SLC6A14: variants seen among roughly 807,000 people sequenced by gnomAD.
SLC6A14 encodes sodium- and chloride-dependent neutral and basic amino acid transporter B(0+).
In SLC6A14, 21 loss-of-function variants were observed where a neutral mutation model predicts 51.4. The observed-to-expected ratio is 0.41, with a 90% CI of 0.29 to 0.59. The LOEUF is 0.59. Among genes scored for constraint, SLC6A14 ranks in the 20% least tolerant of loss-of-function variants. SLC6A14 has a pLI of 0.31. For synonymous variants in SLC6A14, 177 were observed against 160.7 expected, an observed-to-expected ratio of 1.10 and a Z score of -0.77; for missense variants, 371 against 472.8, an observed-to-expected ratio of 0.78 and a Z score of 2.00.
At chrX:116,451,387 C>T (rs1292917660) in intron 7 of SLC6A14, 55 bp from the exon 8 acceptor site, 5 of 868,602 alleles carry the variant, frequency 5.8e-6, no homozygotes, top group Non-Finnish European at 8.1e-6. Context: ...GAAATATTTA[C>T]ACAAATAAAA....
At chrX:116,437,286 TAAGAA>T in intron 1 of SLC6A14, among the ~76,000 whole-genome samples, 2 of 103,303 alleles carry the variant, frequency 1.9e-5, no homozygotes, top group South Asian at 8.5e-4. Flanking sequence ...TATCAAGCCA[TAAGAA>T]AAGTTTATAG....
chrX:116,460,320 A>G lies in SLC6A14; in HGVS notation c.*1365A>G, dbSNP rs1928018945. 1 of 111,113 alleles carries G rather than the reference A, an allele frequency of 9.0e-6. No individual in the cohort carries two copies. Among genetic ancestry groups the G allele is most frequent in the Non-Finnish European group, 1.9e-5 (1 of 53,054 alleles). The allele number at this position is 111,113 out of a possible 1,213,427, so 9.2% of individuals were successfully genotyped here. ...TTTTTGTGCTTGGCAAATGAGTGAC[A>G]ATAGAAGAAATAATTTTTCTTACAC... On this transcript the variant is annotated 3_prime_UTR_variant, in exon 14 of 14. Coordinates refer to ENST00000598581, the MANE Select transcript of SLC6A14 (RefSeq NM_007231.5).
intron 11 of SLC6A14, 55 bp downstream of exon 11, chrX:116,455,131 T>C: frequency 1.1e-6 from 1 of 878,547 alleles, no homozygotes; most frequent in South Asian, 2.2e-5. Context: ...TTTAGTTTGA[T>C]TCATTTTCAT....
In SLC6A14 at chrX:116,461,373, C is replaced by T. The variant is rs781901200; in HGVS notation, c.*2418C>T. ...CAAATCCCACTTACTTTAATGCGAA[C>T]TTGGAGATAATTTATGGTATTGTAT... On this transcript the variant is annotated 3_prime_UTR_variant, in exon 14 of 14. Coordinates refer to ENST00000598581, the MANE Select transcript of SLC6A14 (RefSeq NM_007231.5). 7.5e-6 allele frequency: 1 copy of T among 132,590 alleles called. No individual in the cohort carries two copies. The highest frequency in any genetic ancestry group is 1.5e-5 in the Non-Finnish European group (1 of 67,100). 10.9% of individuals were successfully genotyped at this position (132,590 alleles called of 1,213,427 possible). A position where few individuals can be genotyped will look rare whatever the true frequency, so the allele number is the denominator to read the frequency against.
intron 7 of SLC6A14, among the ~76,000 whole-genome samples, chrX:116,449,675 A>G (rs1927784450): frequency 8.9e-6 from 1 of 112,175 alleles, no homozygotes; most frequent in African/African-American, 3.2e-5. Flanking sequence ...ATATGAAACA[A>G]TATTTATAAT....
rs374190469 is a variant in SLC6A14, at chrX:116,457,050, G to A, written c.1615-559G>A. On this transcript the variant is annotated intron_variant, in intron 12 of 13. Transcript: ENST00000598581. Reference sequence around the variant, plus strand: ...GATGCTGGAAGTGAAATGTGCTTTGGTAAATGCTCACCAATAATGTGTGTA... The same window carrying A: ...GATGCTGGAAGTGAAATGTGCTTTGATAAATGCTCACCAATAATGTGTGTA... 9.0e-5 allele frequency among the ~76,000 whole-genome samples: 10 copies of A among 111,479 alleles called. No individual in the cohort carries two copies. In the East Asian group the frequency reaches 2.0e-3, roughly 22 times the overall value.
chrX:116,455,508 A>G (rs1927916423), intron 12 of SLC6A14, 42 bp downstream of exon 12: 2 of 805,903 alleles, frequency 2.5e-6, no homozygotes, highest in African/African-American at 4.1e-5. Context: ...GATAATACAT[A>G]TGTTCTAAGA....
In SLC6A14 at chrX:116,454,305, C is replaced by T; in HGVS notation, c.1286-19C>T. On this transcript the variant is annotated intron_variant, in intron 9 of 13. Coordinates refer to ENST00000598581, the MANE Select transcript of SLC6A14 (RefSeq NM_007231.5). ...GCAAATAAGTTGACATATAACATGTCATTTCTCCCCCTCTGAAGAAACGAT... is the reference window on the plus strand; with the variant it reads ...GCAAATAAGTTGACATATAACATGTTATTTCTCCCCCTCTGAAGAAACGAT... 3.0e-6 allele frequency: 3 copies of T among 997,538 alleles called. No individual in the cohort carries two copies. Among genetic ancestry groups the T allele is most frequent in the Non-Finnish European group, 4.3e-6 (3 of 704,248 alleles). The allele number at this position is 997,538 out of a possible 1,213,427, so 82.2% of individuals were successfully genotyped here.
intron 12 of SLC6A14, among the ~76,000 whole-genome samples, chrX:116,456,015 C>T (rs1460850163): frequency 7.2e-5 from 8 of 111,150 alleles, no homozygotes; most frequent in Non-Finnish European, 1.5e-4. Context: ...TCAATAAATT[C>T]AACAATTAAT....
At chrX:116,447,003 T>C (rs1927728016) in intron 7 of SLC6A14, 122 bp downstream of exon 7, 1 of 535,062 alleles carries the variant, frequency 1.9e-6, no homozygotes, top group Non-Finnish European at 2.9e-6. Flanking sequence ...TACAGTTAAA[T>C]TTATTAGTTT....
chrX:116,458,214 G>A (rs1262992869), intron 13 of SLC6A14, among the ~76,000 whole-genome samples: 2 of 111,559 alleles, frequency 1.8e-5, no homozygotes, highest in African/African-American at 6.5e-5. Flanking sequence ...GAATAAGCCT[G>A]GTAAATATCT....
Position 116,458,884 on chromosome X carries a change from G to A in SLC6A14, c.1858G>A (p.Asp620Asn). 1.7e-6 allele frequency: 2 copies of A among 1,203,336 alleles called. No homozygotes were observed. The highest frequency in any genetic ancestry group is 2.2e-6 in the Non-Finnish European group (2 of 890,414). Residue 620 changes from aspartate to asparagine, a missense_variant, in exon 14 of 14, where the codon GAC (aspartate) becomes AAC (asparagine). Asp to Asn is a conservative substitution (Grantham distance 23). This residue lies in a region of SLC6A14 where 94 missense variants were observed against 81.0 expected (regional missense o/e 1.16). Coordinates refer to ENST00000598581, the MANE Select transcript of SLC6A14 (RefSeq NM_007231.5). ...ACAACATCGTGGGGAAAGATATAAA[G>A]ACATGGTAGATCCTAAAAAAGAGGC... ...LEQHRGERYKDMVDPKKEADH... is the reference protein window; with the variant it reads ...LEQHRGERYKNMVDPKKEADH...
chrX:116,445,185 T>C, intron 6 of SLC6A14, 135 bp downstream of exon 6: 1 of 598,358 alleles, frequency 1.7e-6, no homozygotes, highest in Non-Finnish European at 2.5e-6. Context: ...TTCTAAATAG[T>C]GATTTTAAGC....
At chrX:116,445,525 ATGTG>A (rs1408066484) in intron 6 of SLC6A14, among the ~76,000 whole-genome samples, 1 of 68,473 alleles carries the variant, frequency 1.5e-5, no homozygotes, top group Non-Finnish European at 2.9e-5. Flanking sequence ...GTTTGTGTGT[ATGTG>A]TGTGTGTGTG....
rs1358819772 is a variant in SLC6A14, at chrX:116,460,961, T to C, written c.*2006T>C. The C allele has an allele frequency of 9.0e-6, 1 of 111,701 alleles. No homozygotes were observed. Among genetic ancestry groups the C allele is most frequent in the African/African-American group, 3.3e-5 (1 of 30,714 alleles). 9.2% of individuals were successfully genotyped at this position (111,701 alleles called of 1,213,427 possible). A position where few individuals can be genotyped will look rare whatever the true frequency, so the allele number is the denominator to read the frequency against. ...CAGTTATACCAGATTTTATAAAATA[T>C]TTGAGAATAGATGGCTAACAAGAGG... On this transcript the variant is annotated 3_prime_UTR_variant, in exon 14 of 14. Coordinates refer to ENST00000598581, the MANE Select transcript of SLC6A14 (RefSeq NM_007231.5).
At chrX:116,455,615 T>A in intron 12 of SLC6A14, 149 bp downstream of exon 12, 1 of 422,169 alleles carries the variant, frequency 2.4e-6, no homozygotes, top group Middle Eastern at 6.6e-4. Context: ...GCCTCCAAGT[T>A]GCCTAAATTA....
chrX:116,437,968 A>ACGGGGGGGGGC lies in SLC6A14; in HGVS notation c.214+14_214+15insGGGGGGGGGCC. The ACGGGGGGGGGC allele has an allele frequency of 5.3e-6, 6 of 1,122,103 alleles. No individual in the cohort carries two copies. The highest frequency in any genetic ancestry group is 6.0e-6 in the Non-Finnish European group (5 of 840,335). The allele number at this position is 1,122,103 out of a possible 1,213,427, so 92.5% of individuals were successfully genotyped here. A position where few individuals can be genotyped will look rare whatever the true frequency, so the allele number is the denominator to read the frequency against. On this transcript the variant is annotated intron_variant, in intron 2 of 13. Coordinates refer to ENST00000598581, the MANE Select transcript of SLC6A14 (RefSeq NM_007231.5). ...AGCAATGGTGGAGGTATTCTATTTC[A>ACGGGGGGGGGC]CCCCCACCCTCCCACCCCCGCTTTT...
chrX:116,436,706 A>G lies in SLC6A14; in HGVS notation c.-4A>G. 1.7e-6 allele frequency: 2 copies of G among 1,164,540 alleles called. No homozygotes were observed. Among genetic ancestry groups the G allele is most frequent in the Non-Finnish European group, 2.3e-6 (2 of 871,278 alleles). On this transcript the variant is annotated 5_prime_UTR_variant, in exon 1 of 14. Transcript: ENST00000598581. Reference sequence around the variant, plus strand: ...CGAGGCGGAGCCAGCCGAGGGAGTGAACCATGGACAAGTTGAAATGCCCGA... The same window carrying G: ...CGAGGCGGAGCCAGCCGAGGGAGTGGACCATGGACAAGTTGAAATGCCCGA...
At position 116,437,793 on chromosome X, in the gene SLC6A14, G is replaced by A. The variant is rs782669005; in HGVS notation, c.52G>A (p.Val18Met). Reference sequence around the variant, plus strand: ...GTTGATATTTTTTCTTCCCCAGAAAGTGTCGGCTTCATCAGAGAATTTCCA... The same window carrying A: ...GTTGATATTTTTTCTTCCCCAGAAAATGTCGGCTTCATCAGAGAATTTCCA... The part of the protein sequence containing the change: ...SFFKCREKEK[V>M]SASSENFHVG... The change falls in exon 2 of 14, where the codon GTG becomes ATG. Residue 18 changes from valine (V) to methionine (M), a missense_variant. By Grantham distance (21) the Val-to-Met change is conservative. This residue lies in a region of SLC6A14 where 277 missense variants were observed against 391.8 expected (regional missense o/e 0.71). Transcript: ENST00000598581. 1 of 1,203,068 alleles carries A rather than the reference G, an allele frequency of 8.3e-7. No individual in the cohort carries two copies. The highest frequency in any genetic ancestry group is 1.7e-5 in the African/African-American group (1 of 57,458).
Sources: gnomAD v4.1 joint callset for allele counts (sites outside exome capture counted in the v4.1 genomes callset) on GRCh38, gnomAD v4.1.1 for gene constraint, gnomAD v4.1.1 regional missense constraint, MANE v1.5 for transcripts, NCBI Gene and HGNC (gene_info 2026-07-23, HGNC 2026-07-21) for gene names.